Variants in CETP observed in about 807,000 individuals in gnomAD.
CETP encodes the protein cholesteryl ester transfer protein.
CETP carries 56 observed loss-of-function variants against 66.5 expected under a neutral mutation model. The ratio of observed to expected loss-of-function variants is 0.84; its 90% confidence interval spans 0.68 to 1.05. CETP has a LOEUF of 1.05. Ranked by LOEUF, CETP falls within the 50% of genes least tolerant of loss-of-function variation. CETP has a pLI of 0.00. For missense variants in CETP, 612 were observed against 609.6 expected, an observed-to-expected ratio of 1.00 and a Z score of -0.04; for synonymous variants, 251 against 245.7, an observed-to-expected ratio of 1.02 and a Z score of -0.20.
rs571315706 is a variant in CETP at position 56,982,256 on chromosome 16, G to C, written c.1321+19G>C. 2.5e-6 allele frequency: 4 copies of C among 1,612,762 alleles called. No individual in the cohort carries two copies. Among genetic ancestry groups the C allele is most frequent in the African/African-American group, 1.3e-5 (1 of 74,976 alleles). On this transcript the variant is annotated intron_variant, in intron 14 of 15. Coordinates refer to ENST00000200676, the MANE Select transcript of CETP (RefSeq NM_000078.3). ...ATGTCTCGTAAGTGTGGGCTGGAGG[G>C]GAAACTGGGTGCCGAGGCTGACAGA...
chr16:56,967,915 C>T (rs1269168157), intron 2 of CETP, among the ~76,000 whole-genome samples: 2 of 151,252 alleles, frequency 1.3e-5, no homozygotes, highest in Non-Finnish European at 2.9e-5. Flanking sequence ...ACTGTGATTA[C>T]ACAACTGCAC....
chr16:56,962,504 C>T (rs554054244), intron 1 of CETP: 54 of 414,026 alleles, frequency 1.3e-4, no homozygotes, highest in Admixed American at 2.1e-4. Context: ...GCTCAGGTGA[C>T]GGAGGCTCCA....
chr16:56,968,180 C>A lies in CETP; in HGVS notation c.234-1206C>A, dbSNP rs138003099. 7.0e-4 allele frequency among the ~76,000 whole-genome samples: 106 copies of A among 151,646 alleles called. 1 individual carries two copies. The highest frequency in any genetic ancestry group is 2.4e-3 in the African/African-American group (99 of 41,320). On this transcript the variant is annotated intron_variant, in intron 2 of 15. Transcript: ENST00000200676. The stretch of plus-strand genomic sequence containing the variant: ...GAGATGTTTTGATATAGACCTGCAA[C>A]GTTTTGTCAATCTATTTTTTTTTTG...
intron 10 of CETP, among the ~76,000 whole-genome samples, chr16:56,976,439 C>T (rs1445237786): frequency 6.6e-6 from 1 of 151,450 alleles, no homozygotes; most frequent in Non-Finnish European, 1.5e-5. Flanking sequence ...TTGACGAGGT[C>T]TTTTGTCAGC....
chr16:56,969,704 G>C (rs965914204), intron 4 of CETP, 23 bp downstream of exon 4: 23 of 1,612,506 alleles, frequency 1.4e-5, no homozygotes, highest in Non-Finnish European at 1.9e-5. Flanking sequence ...CGTCCTCTGG[G>C]GAAGTGGGAG....
At chr16:56,972,922 C>T (rs1375342866) in intron 8 of CETP, among the ~76,000 whole-genome samples, 2 of 151,930 alleles carry the variant, frequency 1.3e-5, no homozygotes, top group African/African-American at 2.4e-5. Flanking sequence ...TCTAGTGGGG[C>T]GGGGGACTGG....
chr16:56,971,014 TG>T lies in CETP; in HGVS notation c.528-17del. 1.2e-6 allele frequency: 2 copies of T among 1,613,808 alleles called. No homozygotes were observed. The highest frequency in any genetic ancestry group is 1.7e-6 in the Non-Finnish European group (2 of 1,179,708). The stretch of plus-strand genomic sequence containing the variant: ...CACAGGACTGGTCAGGGGCTCATTG[TG>T]GTGCTTGCTGCCTTCAGGCCTGGGT... On this transcript the variant is annotated intron_variant, in intron 5 of 15. Coordinates refer to ENST00000200676, the MANE Select transcript of CETP (RefSeq NM_000078.3).
At chr16:56,973,275 G>A in intron 8 of CETP, 56 bp from the exon 9 acceptor site, 2 of 1,584,168 alleles carry the variant, frequency 1.3e-6, no homozygotes, top group South Asian at 2.2e-5. Context: ...CCCTGAAGCT[G>A]GACCTGAGCC....
At chr16:56,983,531 C>A in intron 15 of CETP, 61 bp from the exon 16 acceptor site, 2 of 1,602,682 alleles carry the variant, frequency 1.2e-6, no homozygotes. Flanking sequence ...AGCTTGGCTC[C>A]CTCCTGGTGG....
intron 3 of CETP, 23 bp from the exon 4 acceptor site, chr16:56,969,588 C>G: frequency 6.2e-7 from 1 of 1,614,212 alleles, no homozygotes; most frequent in East Asian, 2.2e-5. Context: ...GAATGAGGGT[C>G]CTGGGTCCTT....
At chr16:56,964,279 G>A (rs1362190424) in intron 2 of CETP, among the ~76,000 whole-genome samples, 3 of 151,852 alleles carry the variant, frequency 2.0e-5, no homozygotes, top group South Asian at 4.2e-4. Flanking sequence ...CACCCGCCTC[G>A]GCCTCCCAAA....
In CETP at chr16:56,973,534, T is replaced by G. The variant is rs11076176; in HGVS notation, c.930+24T>G. ...AGGTGAGTGGGTGGGGCTGGGCTGCTAGGGGATCCAGATGGCATGTGGTAT... is the reference window on the plus strand; with the variant it reads ...AGGTGAGTGGGTGGGGCTGGGCTGCGAGGGGATCCAGATGGCATGTGGTAT... On this transcript the variant is annotated intron_variant, in intron 9 of 15. Coordinates refer to ENST00000200676, the MANE Select transcript of CETP (RefSeq NM_000078.3). The G allele has an allele frequency of 0.19, 307,593 of 1,612,826 alleles. 32,944 individuals are homozygous for G. Among genetic ancestry groups the G allele is most frequent in the African/African-American group, 0.42 (31,678 of 74,876 alleles).
chr16:56,969,607 C>T lies in CETP; in HGVS notation c.369-4C>T, dbSNP rs746810477. On this transcript the variant is annotated splice_region_variant and splice_polypyrimidine_tract_variant and intron_variant, in intron 3 of 15. Coordinates refer to ENST00000200676, the MANE Select transcript of CETP (RefSeq NM_000078.3). The stretch of plus-strand genomic sequence containing the variant: ...GAGGGTCCTGGGTCCTTGGCTCTTT[C>T]CAGGCTGGGTATTGATCAGTCCATT... 6.2e-7 allele frequency: 1 copy of T among 1,614,212 alleles called. No individual in the cohort carries two copies. Among genetic ancestry groups the T allele is most frequent in the East Asian group, 2.2e-5 (1 of 44,890 alleles).
chr16:56,977,912 C>A (rs2056160874), intron 10 of CETP, among the ~76,000 whole-genome samples, 179 bp from the exon 11 acceptor site: 1 of 152,184 alleles, frequency 6.6e-6, no homozygotes, highest in South Asian at 2.1e-4. Flanking sequence ...GAAACTGAGG[C>A]CCAGAGAGGA....
At chr16:56,975,500 A>G (rs1344686682) in intron 10 of CETP, among the ~76,000 whole-genome samples, 1 of 152,180 alleles carries the variant, frequency 6.6e-6, no homozygotes, top group Non-Finnish European at 1.5e-5. Context: ...CTGGAACCCC[A>G]GGATCAACTC....
rs767196975 is a variant in CETP, at chr16:56,972,048, G to A, written c.715G>A (p.Val239Ile). The change falls in exon 8 of 16, where the codon GTC becomes ATC. Residue 239 changes from valine (V) to isoleucine (I), a missense_variant. Coordinates refer to ENST00000200676, the MANE Select transcript of CETP (RefSeq NM_000078.3). ...GVDISLTGDP[V>I]ITASYLESHH... ...GGACATTTCCCTGACAGGTGATCCC[G>A]TCATCACAGCCTCCTACCTGGAGTC... 2.6e-5 allele frequency: 42 copies of A among 1,613,980 alleles called. No individual in the cohort carries two copies. Among genetic ancestry groups the A allele is most frequent in the Middle Eastern group, 1.6e-4 (1 of 6,082 alleles).
Position 56,964,453 on chromosome 16 carries a change from T to C in CETP, c.233+1329T>C, listed in dbSNP as rs1386358330. Among the ~76,000 whole-genome samples, 19 of 152,304 alleles carry C rather than the reference T, an allele frequency of 1.2e-4. No individual in the cohort carries two copies. The East Asian group carries it at 2.3e-3, about 19-fold the overall frequency. ...AGGTTTAGCAGCCTGGCGGAGCTCA[T>C]GTGCAAACTCAGCTCAGTATCGGAA... On this transcript the variant is annotated intron_variant, in intron 2 of 15. Transcript: ENST00000200676.
At chr16:56,967,826 C>T (rs566148913) in intron 2 of CETP, among the ~76,000 whole-genome samples, 1 of 151,978 alleles carries the variant, frequency 6.6e-6, no homozygotes, top group Admixed American at 6.6e-5. Flanking sequence ...ATTAGCCAGG[C>T]AGTGTTGGTG....
chr16:56,968,401 G>A (rs1402213208), intron 2 of CETP, among the ~76,000 whole-genome samples: 1 of 152,122 alleles, frequency 6.6e-6, no homozygotes. Flanking sequence ...TGGCCAGGCT[G>A]GTCATGAACT....
Sources: allele counts gnomAD v4.1 joint callset (sites outside exome capture counted in the v4.1 genomes callset), GRCh38; gene constraint gnomAD v4.1.1; transcripts MANE v1.5; gene names NCBI Gene and HGNC (gene_info 2026-07-23, HGNC 2026-07-21).